CSMD1: variants seen among roughly 807,000 people sequenced by gnomAD.
The protein encoded by CSMD1 is CUB and Sushi multiple domains 1, also known as CUB and sushi domain-containing protein 1.
A neutral mutation model predicts 417.5 loss-of-function variants in CSMD1; 213 were observed. The ratio of observed to expected loss-of-function variants is 0.51; its 90% CI spans 0.46 to 0.57. The LOEUF (loss-of-function observed/expected upper bound fraction) is 0.57. CSMD1 is among the 20% of genes least tolerant of loss of function. The pLI is 0.00. For synonymous variants in CSMD1, 2,862 were observed against 1,736.8 expected (o/e 1.65, Z -16.11); for missense variants, 6,923 against 4,529.7 (o/e 1.53, Z -15.17).
intron 2 of CSMD1, among the ~76,000 whole-genome samples, chr8:4,622,414 G>A (rs1417065462): frequency 6.6e-6 from 1 of 152,028 alleles, no homozygotes; most frequent in Non-Finnish European, 1.5e-5. Flanking sequence ...GCTACCCGAT[G>A]GGGTGACAGC....
chr8:4,970,957 G>C (rs771598671), intron 1 of CSMD1, among the ~76,000 whole-genome samples: 16 of 152,094 alleles, frequency 1.1e-4, no homozygotes, highest in Non-Finnish European at 2.2e-4. Context: ...TATGATATCA[G>C]TGTGTTTACA....
chr8:3,316,655 T>C (rs1805785639), intron 23 of CSMD1, among the ~76,000 whole-genome samples: 1 of 152,100 alleles, frequency 6.6e-6, no homozygotes, highest in Admixed American at 6.6e-5. Flanking sequence ...CAGGAACATT[T>C]GTATATGCTG....
intron 5 of CSMD1, among the ~76,000 whole-genome samples, chr8:3,865,167 G>A (rs938116876): frequency 1.3e-5 from 2 of 152,166 alleles, no homozygotes; most frequent in Admixed American, 6.5e-5. Context: ...CCGATTCCTT[G>A]GGTGTAGAGG....
At chr8:3,892,381 T>C (rs1367013782) in intron 5 of CSMD1, among the ~76,000 whole-genome samples, 1 of 152,084 alleles carries the variant, frequency 6.6e-6, no homozygotes, top group African/African-American at 2.4e-5. Flanking sequence ...TTCTATGTGT[T>C]ATCCTTTACC....
intron 49 of CSMD1, among the ~76,000 whole-genome samples, chr8:3,070,260 C>G (rs553008857): frequency 6.6e-6 from 1 of 152,340 alleles, no homozygotes; most frequent in South Asian, 2.1e-4. Flanking sequence ...GTAAATTTCT[C>G]TAACAAGTAG....
At chr8:3,736,792 T>C (rs1563325532) in intron 6 of CSMD1, among the ~76,000 whole-genome samples, 1 of 152,192 alleles carries the variant, frequency 6.6e-6, no homozygotes, top group African/African-American at 2.4e-5. Flanking sequence ...ATCTGCAAAG[T>C]GGGAGTGGCA....
intron 3 of CSMD1, among the ~76,000 whole-genome samples, chr8:4,053,068 T>C (rs1453448695): frequency 3.9e-5 from 6 of 152,110 alleles, no homozygotes; most frequent in Non-Finnish European, 5.9e-5. Context: ...GGAGGCTGTG[T>C]GCTGAAAGGA....
intron 5 of CSMD1, among the ~76,000 whole-genome samples, chr8:3,969,300 T>A (rs764873456): frequency 1.3e-5 from 2 of 152,084 alleles, no homozygotes; most frequent in African/African-American, 2.4e-5. Flanking sequence ...TGAGGCTGGG[T>A]GGAGAAAGGG....
At chr8:4,019,429 C>T (rs1424870446) in intron 4 of CSMD1, among the ~76,000 whole-genome samples, 1 of 152,048 alleles carries the variant, frequency 6.6e-6, no homozygotes, top group Non-Finnish European at 1.5e-5. Flanking sequence ...TCTTCATGTA[C>T]CTAAAAGGAA....
chr8:3,301,816 G>T (rs973485386), intron 25 of CSMD1, among the ~76,000 whole-genome samples: 4 of 152,160 alleles, frequency 2.6e-5, no homozygotes, highest in African/African-American at 9.7e-5. Context: ...ATGGATTTGG[G>T]AAGGTCAGTT....
At chr8:3,799,765 G>T (rs1274752177) in intron 5 of CSMD1, among the ~76,000 whole-genome samples, 2 of 151,964 alleles carry the variant, frequency 1.3e-5, no homozygotes, top group African/African-American at 4.8e-5. Flanking sequence ...TTTACTCACT[G>T]CTAAATCCAA....
At chr8:4,835,702 C>T (rs1800436064) in intron 1 of CSMD1, among the ~76,000 whole-genome samples, 1 of 151,988 alleles carries the variant, frequency 6.6e-6, no homozygotes, top group African/African-American at 2.4e-5. Flanking sequence ...TGATTGTGGT[C>T]AGTATATTTT....
At chr8:3,155,602 C>G (rs937329704) in intron 39 of CSMD1, among the ~76,000 whole-genome samples, 1 of 151,604 alleles carries the variant, frequency 6.6e-6, no homozygotes, top group African/African-American at 2.4e-5. Context: ...CTCCTGACTT[C>G]GTGATCCACT....
intron 8 of CSMD1, among the ~76,000 whole-genome samples, chr8:3,600,547 T>C (rs73660334): frequency 0.06 from 9,170 of 152,256 alleles, 470 homozygotes; most frequent in Admixed American, 0.15. Context: ...ATCCTGGGGA[T>C]AGGGTGCTCC....
chr8:4,522,511 G>A (rs557303786), intron 2 of CSMD1, among the ~76,000 whole-genome samples: 11 of 152,200 alleles, frequency 7.2e-5, no homozygotes, highest in African/African-American at 2.7e-4. Context: ...AAGAATATCT[G>A]AGGTATCTTT....
intron 5 of CSMD1, among the ~76,000 whole-genome samples, chr8:3,937,698 T>C (rs1810599833): frequency 6.6e-6 from 1 of 152,154 alleles, no homozygotes; most frequent in African/African-American, 2.4e-5. Flanking sequence ...ACTACAGACA[T>C]CTTATCAGAC....
chr8:4,836,387 C>G (rs145008434), intron 1 of CSMD1, among the ~76,000 whole-genome samples: 3,543 of 152,298 alleles, frequency 0.023, 58 homozygotes, highest in Non-Finnish European at 0.036. Context: ...CTGACTGACA[C>G]TGACGCCTCA....
chr8:3,186,949 C>G (rs1256113930), intron 36 of CSMD1, among the ~76,000 whole-genome samples: 1 of 152,190 alleles, frequency 6.6e-6, no homozygotes, highest in Non-Finnish European at 1.5e-5. Context: ...GCCATGTTGG[C>G]CAGGCTGGTC....
chr8:4,054,822 C>T (rs971491719), intron 3 of CSMD1, among the ~76,000 whole-genome samples: 13 of 152,172 alleles, frequency 8.5e-5, no homozygotes, highest in Non-Finnish European at 1.8e-4. Flanking sequence ...CCTTCCCCAT[C>T]TATCTAGCCA....
Sources: gnomAD v4.1 joint callset for allele counts (sites outside exome capture counted in the v4.1 genomes callset) on GRCh38, gnomAD v4.1.1 for gene constraint, MANE v1.5 for transcripts, NCBI Gene and HGNC (gene_info 2026-07-23, HGNC 2026-07-21) for gene names.